C3orf52: variants seen among roughly 807,000 people sequenced by gnomAD.
C3orf52 encodes chromosome 3 open reading frame 52.
C3orf52 carries 22 observed loss-of-function variants against 24.8 expected under a neutral mutation model. That is an observed-to-expected ratio of 0.89 (90% CI 0.63 to 1.27). The LOEUF is 1.27. C3orf52 is among the 50% of genes most tolerant of loss of function. The pLI is 0.00. For synonymous variants in C3orf52, 93 were observed against 100.2 expected (o/e 0.93, Z 0.43); for missense variants, 265 against 260.7 (o/e 1.02, Z -0.11).
intron 4 of C3orf52, chr3:112,123,578 G>C: frequency 6.2e-7 from 1 of 1,614,122 alleles, no homozygotes; most frequent in South Asian, 1.1e-5. Context: ...GGGCATGCCT[G>C]GGGTCTGTAG....
At position 112,094,001 on chromosome 3, in the gene C3orf52, A is replaced by AT. The variant is rs111422326; in HGVS notation, c.268+523dup. 9.5e-3 allele frequency among the ~76,000 whole-genome samples: 1,407 copies of AT among 148,348 alleles called. 27 individuals are homozygous for AT. Among genetic ancestry groups the AT allele is most frequent in the East Asian group, 0.051 (262 of 5,102 alleles). On this transcript the variant is annotated intron_variant, in intron 2 of 5. Transcript: ENST00000264848. The stretch of plus-strand genomic sequence containing the variant: ...TTATTTTAACTTATTGTATTTATTT[A>AT]TTTTTTTTTTTGAGAGAAAGTCTTA...
At chr3:112,132,801 T>G, downstream of C3orf52, 1 of 405,336 alleles carries the variant, frequency 2.5e-6, no homozygotes. Context: ...AGAAAGTTGT[T>G]TCATTTCTTA....
At chr3:112,128,679 C>T (rs1442164173) in exon 5 of C3orf52, 1 of 169,002 alleles carries the variant, frequency 5.9e-6, no homozygotes, top group African/African-American at 2.4e-5. Context: ...CAGGACAACC[C>T]TGGTGCAGGA....
At chr3:112,099,753 A>G (rs1234531858) in intron 2 of C3orf52, among the ~76,000 whole-genome samples, 1 of 152,132 alleles carries the variant, frequency 6.6e-6, no homozygotes, top group Non-Finnish European at 1.5e-5. Flanking sequence ...TATCTTGGAA[A>G]CCTTTTTGAT....
chr3:112,103,125 A>C (rs2073990007), intron 3 of C3orf52, among the ~76,000 whole-genome samples, 160 bp downstream of exon 3: 1 of 152,232 alleles, frequency 6.6e-6, no homozygotes, highest in Non-Finnish European at 1.5e-5. Flanking sequence ...TTATGACCAA[A>C]TACCACATGT....
intron 3 of C3orf52, among the ~76,000 whole-genome samples, chr3:112,108,036 C>T (rs945870321): frequency 2.6e-5 from 4 of 152,146 alleles, no homozygotes; most frequent in African/African-American, 9.7e-5. Flanking sequence ...GCACATGTTC[C>T]TAGTACTACT....
downstream of C3orf52, among the ~76,000 whole-genome samples, chr3:112,120,617 A>G: frequency 6.6e-6 from 1 of 152,158 alleles, no homozygotes; most frequent in East Asian, 1.9e-4. Flanking sequence ...TTTTCTGGTT[A>G]TATTTGTGGC....
In C3orf52 at chr3:112,089,191, A is replaced by G. The variant is rs140752178; in HGVS notation, c.138+2646A>G. 1.9e-3 allele frequency among the ~76,000 whole-genome samples: 286 copies of G among 152,342 alleles called. 1 individual carries two copies. The highest frequency in any genetic ancestry group is 6.8e-3 in the African/African-American group (281 of 41,574). Reference sequence around the variant, plus strand: ...TTTTAAGAGATGGCAACATCATTTGAATAATAACAAACCAGTAAATTGATA... The same window carrying G: ...TTTTAAGAGATGGCAACATCATTTGGATAATAACAAACCAGTAAATTGATA... On this transcript the variant is annotated intron_variant, in intron 1 of 5. Transcript: ENST00000264848.
chr3:112,111,207 G>GACAAA (rs2074079353), intron 4 of C3orf52, among the ~76,000 whole-genome samples: 1 of 152,186 alleles, frequency 6.6e-6, no homozygotes, highest in Non-Finnish European at 1.5e-5. Context: ...ACTCAAACAA[G>GACAAA]ACAAAACAAA....
At chr3:112,096,431 A>G (rs340157) in intron 2 of C3orf52, among the ~76,000 whole-genome samples, 14,379 of 152,276 alleles carry the variant, frequency 0.094, 1,258 homozygotes, top group African/African-American at 0.23. Flanking sequence ...CATAAGGGCA[A>G]GATTTATGGC....
chr3:112,098,495 T>C (rs1048593940), intron 2 of C3orf52, among the ~76,000 whole-genome samples: 95 of 152,334 alleles, frequency 6.2e-4, no homozygotes, highest in African/African-American at 2.2e-3. Flanking sequence ...TCTACATCTG[T>C]ACAATTTTCC....
chr3:112,093,310 T>C (rs1210183882), intron 1 of C3orf52, 50 bp from the exon 2 acceptor site: 3 of 1,604,108 alleles, frequency 1.9e-6, no homozygotes, highest in East Asian at 4.5e-5. Flanking sequence ...TATTCAGAAC[T>C]GTCTGTTGCA....
At chr3:112,116,516 A>G in intron 5 of C3orf52, 126 bp from the exon 6 acceptor site, 1 of 790,220 alleles carries the variant, frequency 1.3e-6, no homozygotes, top group South Asian at 1.9e-5. Context: ...TCTGTTAGGA[A>G]TGTATAAACC....
chr3:112,136,013 CA>C, the C3orf52 span, among the ~76,000 whole-genome samples: 5 of 152,172 alleles, frequency 3.3e-5, 1 homozygote, highest in African/African-American at 1.2e-4. Context: ...TGTCCATGTG[CA>C]GTCTCCATGC....
In C3orf52 at chr3:112,116,783, T is replaced by A; in HGVS notation, c.*137T>A. On this transcript the variant is annotated 3_prime_UTR_variant, in exon 6 of 6. Coordinates refer to ENST00000264848, the MANE Select transcript of C3orf52 (RefSeq NM_024616.3). ...GCAACACCAGAGGGGTGGAGACTCCTTTCTCTCCCGATTCTACAGTCTGGC... is the reference window on the plus strand; with the variant it reads ...GCAACACCAGAGGGGTGGAGACTCCATTCTCTCCCGATTCTACAGTCTGGC... The A allele has an allele frequency of 6.5e-7, 1 of 1,543,618 alleles. No homozygotes were observed. The highest frequency in any genetic ancestry group is 1.2e-5 in the South Asian group (1 of 84,058).
chr3:112,135,869 G>T (rs1235919560), downstream of C3orf52, among the ~76,000 whole-genome samples: 1 of 152,092 alleles, frequency 6.6e-6, no homozygotes, highest in Non-Finnish European at 1.5e-5. Context: ...GCAGCTCTGA[G>T]AGACAATATC....
intron 4 of C3orf52, chr3:112,126,882 A>T: frequency 2.5e-6 from 2 of 802,096 alleles, no homozygotes; most frequent in Non-Finnish European, 4.3e-6. Context: ...ATGTGTAGAT[A>T]TTGTAATTGA....
At chr3:112,123,497 A>G (rs140163446) in intron 4 of C3orf52, 2 of 1,614,154 alleles carry the variant, frequency 1.2e-6, no homozygotes, top group Admixed American at 1.7e-5. Context: ...CCATAAGTGG[A>G]CGTGGCTGTT....
chr3:112,112,888 A>C (rs748093082), intron 4 of C3orf52, 76 bp from the exon 5 acceptor site: 2 of 1,261,000 alleles, frequency 1.6e-6, no homozygotes, highest in South Asian at 2.5e-5. Context: ...AAAAAAAAAA[A>C]AGTTATTGCT....
Sources: gnomAD v4.1 joint callset for allele counts (sites outside exome capture counted in the v4.1 genomes callset) on GRCh38, gnomAD v4.1.1 for gene constraint, MANE v1.5 for transcripts, NCBI Gene and HGNC (gene_info 2026-07-23, HGNC 2026-07-21) for gene names.